The following SYNRG variants were observed in gnomAD, a reference collection of about 807,000 sequenced individuals.
The protein encoded by SYNRG is synergin gamma, also known as AP1 gamma subunit binding protein 1.
In SYNRG, 37 loss-of-function variants were observed where a neutral mutation model predicts 130.9. That is an observed-to-expected ratio of 0.28 (90% CI 0.22 to 0.37). The LOEUF (loss-of-function observed/expected upper bound fraction) is 0.37, where lower values mean the gene tolerates loss of function less well. Among genes scored for constraint, SYNRG ranks in the 10% least tolerant of loss-of-function variants. The pLI, the probability that SYNRG is intolerant of heterozygous loss-of-function variation, is 1.00. For synonymous variants in SYNRG, 539 were observed against 568.1 expected (o/e 0.95, Z 0.73); for missense variants, 1,338 against 1,588.9 (o/e 0.84, Z 2.68).
chr17:37,530,394 C>T (rs2056497089), intron 19 of SYNRG, among the ~76,000 whole-genome samples: 1 of 152,244 alleles, frequency 6.6e-6, no homozygotes. Flanking sequence ...CAGACACATA[C>T]TGATCTCCAG....
intron 19 of SYNRG, among the ~76,000 whole-genome samples, chr17:37,534,891 GA>G (rs1316188510): frequency 7.0e-6 from 1 of 142,892 alleles, no homozygotes; most frequent in African/African-American, 2.7e-5. Flanking sequence ...ATGGGTCGCA[GA>G]GTTCCATGTT....
In SYNRG at chr17:37,565,703, C is replaced by T. The variant is rs545685693; in HGVS notation, c.1481+3088G>A. 2.3e-3 allele frequency among the ~76,000 whole-genome samples: 355 copies of T among 151,394 alleles called. 2 individuals are homozygous for T. The highest frequency in any genetic ancestry group is 8.3e-3 in the African/African-American group (343 of 41,206). ...GAGCGCCTCTGCCCCGCCGCCCCAT[C>T]TGGGATGTGAGGAGCGCCTCTGCCC... On this transcript the variant is annotated intron_variant, in intron 11 of 21. Transcript: ENST00000612223.
intron 13 of SYNRG, 144 bp from the exon 14 acceptor site, chr17:37,554,203 C>T (rs1476206693): frequency 7.2e-6 from 5 of 692,764 alleles, no homozygotes; most frequent in Admixed American, 7.2e-5. Flanking sequence ...ACTTTAAACC[C>T]TATCGAACTA....
chr17:37,529,683 A>G, intron 19 of SYNRG: 1 of 1,096,296 alleles, frequency 9.1e-7, no homozygotes, highest in Non-Finnish European at 1.3e-6. Flanking sequence ...GAGAGGAGCT[A>G]CCTCAAGAAG....
chr17:37,566,619 A>G (rs888288043), intron 11 of SYNRG, among the ~76,000 whole-genome samples: 18 of 151,550 alleles, frequency 1.2e-4, no homozygotes, highest in African/African-American at 4.1e-4. Flanking sequence ...AGAAACACCC[A>G]AGAATTATCA....
At chr17:37,539,083 CAAGT>C (rs753013481) in intron 17 of SYNRG, 105 bp downstream of exon 17, 85 of 1,533,012 alleles carry the variant, frequency 5.5e-5, no homozygotes, top group Admixed American at 8.4e-5. Flanking sequence ...CAGGGACATC[CAAGT>C]AAGGCTCTCC....
chr17:37,551,786 T>TAA (rs200233566), intron 14 of SYNRG, among the ~76,000 whole-genome samples: 1 of 76,136 alleles, frequency 1.3e-5, no homozygotes, highest in East Asian at 3.4e-4. Context: ...AAGCAGCTCA[T>TAA]AAAAAAAAAA....
In SYNRG at chr17:37,577,621, A is replaced by C. The variant is rs186876530; in HGVS notation, c.590-8T>G. 4.9e-5 allele frequency: 79 copies of C among 1,604,000 alleles called. No homozygotes were observed. The African/African-American group carries it at 9.8e-4, about 20-fold the overall frequency. On this transcript the variant is annotated splice_polypyrimidine_tract_variant and splice_region_variant and intron_variant, in intron 6 of 21. Coordinates refer to ENST00000612223, the MANE Select transcript of SYNRG (RefSeq NM_007247.6). ...TCTCCTCCAAGGAAGGGCCTAAACAAAGAGCATGAAGGATTATTTGTATAT... is the reference window on the plus strand; with the variant it reads ...TCTCCTCCAAGGAAGGGCCTAAACACAGAGCATGAAGGATTATTTGTATAT...
intron 19 of SYNRG, among the ~76,000 whole-genome samples, chr17:37,525,809 T>C (rs2055811245): frequency 6.6e-6 from 1 of 152,130 alleles, no homozygotes; most frequent in South Asian, 2.1e-4. Flanking sequence ...CTACTAAAAA[T>C]ACAAAAATTA....
rs2054349951 is a variant in SYNRG at position 37,515,409 on chromosome 17, AGTT to A, written c.*3528_*3530del. ...TGAATGGCAAATGTCTGAAAATGTC[AGTT>A]TATTAACTGTTCACAAAGGCAGGCA... On this transcript the variant is annotated 3_prime_UTR_variant, in exon 22 of 22. Coordinates refer to ENST00000612223, the MANE Select transcript of SYNRG (RefSeq NM_007247.6). 2 of 11,446 alleles carry A rather than the reference AGTT, an allele frequency of 1.7e-4. No homozygotes were observed. Among genetic ancestry groups the A allele is most frequent in the Non-Finnish European group, 2.4e-4 (2 of 8,464 alleles). The allele number at this position is 11,446 out of a possible 1,614,324, so 0.7% of individuals were successfully genotyped here.
chr17:37,576,619 TC>T (rs2146197494), intron 7 of SYNRG: 2 of 471,412 alleles, frequency 4.2e-6, no homozygotes, highest in East Asian at 6.4e-5. Flanking sequence ...TTAACTATGT[TC>T]TAAAGAGTAA....
chr17:37,577,087 GA>G (rs1028441201), intron 7 of SYNRG, among the ~76,000 whole-genome samples: 2 of 151,762 alleles, frequency 1.3e-5, no homozygotes, highest in South Asian at 4.2e-4. Context: ...TATAAGGGGG[GA>G]AAAAAGAGAG....
At chr17:37,565,912 T>TG (rs1400805666) in intron 11 of SYNRG, among the ~76,000 whole-genome samples, 107 of 131,266 alleles carry the variant, frequency 8.2e-4, no homozygotes, top group Non-Finnish European at 1.5e-3. Context: ...GGGAGGGAGG[T>TG]GGGGGGGTCA....
intron 19 of SYNRG, among the ~76,000 whole-genome samples, chr17:37,521,294 T>C (rs1329920800): frequency 1.3e-5 from 2 of 152,008 alleles, no homozygotes; most frequent in Non-Finnish European, 2.9e-5. Flanking sequence ...CCTCCCAAAG[T>C]GGTGGGATTA....
Position 37,559,460 on chromosome 17 carries a change from C to T in SYNRG, c.1663+1735G>A, listed in dbSNP as rs1283031016. Among the ~76,000 whole-genome samples the T allele has an allele frequency of 2.0e-5, 3 of 152,250 alleles. 1 individual carries two copies. Among genetic ancestry groups the T allele is most frequent in the East Asian group, 3.9e-4 (2 of 5,182 alleles). On this transcript the variant is annotated intron_variant, in intron 13 of 21. Coordinates refer to ENST00000612223, the MANE Select transcript of SYNRG (RefSeq NM_007247.6). ...ATCCCAGCACTGTGGGAGGCCGAGG[C>T]GGGCAGATCACCTGAGGTCAGGAGT...
intron 16 of SYNRG, among the ~76,000 whole-genome samples, chr17:37,539,525 C>T (rs2057533929): frequency 6.6e-6 from 1 of 152,148 alleles, no homozygotes; most frequent in Admixed American, 6.5e-5. Context: ...CACGCACCAC[C>T]ACATGAGGCT....
intron 19 of SYNRG, among the ~76,000 whole-genome samples, chr17:37,525,587 C>T (rs1485110347): frequency 1.3e-5 from 2 of 152,208 alleles, no homozygotes; most frequent in Non-Finnish European, 2.9e-5. Context: ...AACCCCAGCA[C>T]TTTGGGAGGC....
intron 6 of SYNRG, 31 bp from the exon 7 acceptor site, chr17:37,577,644 T>C: frequency 8.5e-6 from 13 of 1,538,208 alleles, no homozygotes; most frequent in Non-Finnish European, 1.1e-5. Flanking sequence ...ATTATTTGTA[T>C]ATAACTGTAT....
intron 1 of SYNRG, among the ~76,000 whole-genome samples, chr17:37,607,955 CAAAAAAAAAAA>C (rs67822733): frequency 0.012 from 599 of 51,130 alleles, 9 homozygotes; most frequent in Non-Finnish European, 0.02. Context: ...GACTTCCTCT[CAAAAAAAAAAA>C]AAAAAAAAAA....
Sources: gnomAD v4.1 joint callset for allele counts (sites outside exome capture counted in the v4.1 genomes callset) on GRCh38, gnomAD v4.1.1 for gene constraint, MANE v1.5 for transcripts, NCBI Gene and HGNC (gene_info 2026-07-23, HGNC 2026-07-21) for gene names.